The following WWP2 variants were observed in gnomAD, a reference collection of about 807,000 sequenced individuals.
WWP2 encodes NEDD4-like E3 ubiquitin-protein ligase WWP2.
WWP2 carries 57 observed loss-of-function variants against 121.0 expected under a neutral mutation model. The observed-to-expected ratio is 0.47, with a 90% confidence interval of 0.38 to 0.59. WWP2 has a LOEUF of 0.59. WWP2 is among the 20% of genes least tolerant of loss of function. The pLI, the probability that WWP2 is intolerant of heterozygous loss-of-function variation, is 0.00. For synonymous variants in WWP2, 449 were observed against 441.3 expected (o/e 1.02, Z -0.22); for missense variants, 962 against 1,158.9 (o/e 0.83, Z 2.47).
chr16:69,886,728 C>T (rs954361385), intron 7 of WWP2, among the ~76,000 whole-genome samples: 2 of 152,194 alleles, frequency 1.3e-5, no homozygotes, highest in African/African-American at 4.8e-5. Context: ...CCATTCCACT[C>T]CAGCTTGGGT....
At chr16:69,939,457 C>T (rs200311655) in intron 23 of WWP2, 44 bp downstream of exon 23, 68 of 1,603,060 alleles carry the variant, frequency 4.2e-5, no homozygotes, top group African/African-American at 4.1e-4. Context: ...GCCTCAGACC[C>T]GATGAGCTCC....
At chr16:69,882,931 T>A (rs1436915851) in intron 7 of WWP2, among the ~76,000 whole-genome samples, 2 of 152,104 alleles carry the variant, frequency 1.3e-5, no homozygotes, top group Non-Finnish European at 2.9e-5. Context: ...GGCAGGCAGA[T>A]CACTTGAGGT....
intron 4 of WWP2, among the ~76,000 whole-genome samples, chr16:69,825,474 G>C (rs1472202634): frequency 6.6e-6 from 1 of 151,860 alleles, no homozygotes; most frequent in Non-Finnish European, 1.5e-5. Context: ...GATACCATGG[G>C]AAAGGCTTTG....
intron 4 of WWP2, among the ~76,000 whole-genome samples, chr16:69,811,832 C>T (rs1251871208): frequency 6.6e-6 from 1 of 152,188 alleles, no homozygotes; most frequent in Admixed American, 6.5e-5. Context: ...CTTCACCCAA[C>T]TGTTAAAATT....
Position 69,941,291 on chromosome 16 carries a change from C to T in WWP2, c.*1351C>T, listed in dbSNP as rs564150146. On this transcript the variant is annotated 3_prime_UTR_variant, in exon 24 of 24. Transcript: ENST00000359154. ...CATGGCAGACTCCCGGCCTGGGCCC[C>T]CAGGATTCTAGGACCCCCAGGCAGC... is the stretch of plus-strand genomic sequence containing the variant. The T allele has an allele frequency of 7.2e-5, 11 of 153,072 alleles. No individual in the cohort carries two copies. Among genetic ancestry groups the T allele is most frequent in the African/African-American group, 2.7e-4 (11 of 41,398 alleles). The allele number at this position is 153,072 out of a possible 1,614,324, so 9.5% of individuals were successfully genotyped here.
At chr16:69,826,502 G>A (rs1014277021) in intron 4 of WWP2, among the ~76,000 whole-genome samples, 5 of 150,214 alleles carry the variant, frequency 3.3e-5, no homozygotes, top group Admixed American at 2.0e-4. Flanking sequence ...AACCCAGGAG[G>A]CAGAGGTTGC....
intron 8 of WWP2, among the ~76,000 whole-genome samples, chr16:69,901,152 GAAGAAATA>G (rs1400754650): frequency 1.3e-5 from 2 of 152,114 alleles, no homozygotes; most frequent in African/African-American, 4.8e-5. Flanking sequence ...CATCCCTACA[GAAGAAATA>G]AATCTTATGG....
At chr16:69,847,727 A>G (rs528223378) in intron 6 of WWP2, among the ~76,000 whole-genome samples, 1 of 152,088 alleles carries the variant, frequency 6.6e-6, no homozygotes, top group African/African-American at 2.4e-5. Context: ...TTAATAACCC[A>G]TTCTTGCAGG....
In WWP2 at chr16:69,930,243, C is replaced by T. The variant is rs372517256; in HGVS notation, c.1430C>T (p.Pro477Leu). Residue 477 changes from proline to leucine, a missense_variant, in exon 13 of 24, where the codon CCG becomes CTG. Coordinates refer to ENST00000359154, the MANE Select transcript of WWP2 (RefSeq NM_001270454.2). ...ACCACCACCTTTAAGGATCCTCGCC[C>T]GGGGTTTGAGTCGGGGTAAGGACTT... ...TRTTTFKDPR[P>L]GFESGTKQGS... 3.3e-5 allele frequency: 53 copies of T among 1,613,662 alleles called. No individual in the cohort carries two copies. Among genetic ancestry groups the T allele is most frequent in the South Asian group, 9.9e-5 (9 of 91,004 alleles).
rs1322992973 is a variant in WWP2 at position 69,810,194 on chromosome 16, AG to A, written c.340+10900del. Reference sequence around the variant, plus strand: ...GACTTGGACATTGGCTGGGAAACTCAGCTGGCTGTTTTCTGCCTGCCTTTGG... The same window carrying A: ...GACTTGGACATTGGCTGGGAAACTCACTGGCTGTTTTCTGCCTGCCTTTGG... On this transcript the variant is annotated intron_variant, in intron 4 of 23. Transcript: ENST00000359154. Among the ~76,000 whole-genome samples the A allele has an allele frequency of 3.3e-5, 5 of 152,220 alleles. No individual in the cohort carries two copies. The East Asian group carries it at 9.6e-4, about 29-fold the overall frequency.
At chr16:69,855,837 A>G (rs1460608320) in intron 6 of WWP2, among the ~76,000 whole-genome samples, 1 of 152,278 alleles carries the variant, frequency 6.6e-6, no homozygotes, top group Non-Finnish European at 1.5e-5. Context: ...GTGCCAGATC[A>G]TTCTGATGAA....
chr16:69,769,749 TC>T (rs2055372797), intron 1 of WWP2, among the ~76,000 whole-genome samples: 1 of 152,244 alleles, frequency 6.6e-6, no homozygotes, highest in Non-Finnish European at 1.5e-5. Flanking sequence ...TGGGTTCATT[TC>T]ACAGATGAGA....
chr16:69,812,492 T>TA (rs1555548746), intron 4 of WWP2, among the ~76,000 whole-genome samples: 10 of 145,844 alleles, frequency 6.9e-5, no homozygotes, highest in African/African-American at 2.3e-4. Flanking sequence ...TTTTTTTTTT[T>TA]AATTGAGACA....
At chr16:69,882,483 G>A (rs180856089) in intron 7 of WWP2, among the ~76,000 whole-genome samples, 1 of 152,196 alleles carries the variant, frequency 6.6e-6, no homozygotes, top group Non-Finnish European at 1.5e-5. Context: ...ACAATGTAAA[G>A]CATATAAGAT....
chr16:69,886,629 G>A lies in WWP2; in HGVS notation c.704-1410G>A, dbSNP rs13338223. 7.4e-3 allele frequency among the ~76,000 whole-genome samples: 1,129 copies of A among 152,230 alleles called. 13 individuals are homozygous for A. Among genetic ancestry groups the A allele is most frequent in the African/African-American group, 0.025 (1,038 of 41,552 alleles). ...ACAAAAATTAGCTGGGTGTGGTGGC[G>A]CACACCTGTAATCCTAGCTACTTGG... On this transcript the variant is annotated intron_variant, in intron 7 of 23. Transcript: ENST00000359154.
At chr16:69,828,210 C>T (rs2056737028) in intron 4 of WWP2, among the ~76,000 whole-genome samples, 1 of 151,964 alleles carries the variant, frequency 6.6e-6, no homozygotes, top group Admixed American at 6.6e-5. Context: ...AGTGCCCAAT[C>T]CACCTTCCTT....
intron 1 of WWP2, among the ~76,000 whole-genome samples, chr16:69,766,962 C>T (rs958965798): frequency 3.3e-5 from 5 of 151,922 alleles, no homozygotes; most frequent in African/African-American, 1.2e-4. Context: ...CCAGGTTGGT[C>T]AGGCTAGCCT....
Position 69,878,680 on chromosome 16 carries a change from C to A in WWP2, c.703+6749C>A, listed in dbSNP as rs201713722. On this transcript the variant is annotated intron_variant, in intron 7 of 23. Transcript: ENST00000359154. The stretch of plus-strand genomic sequence containing the variant: ...CCCAGCCTGTTTTTATACATGGTTT[C>A]ATGTATCTATGTGCTCTTCTTTGCT... Among the ~76,000 whole-genome samples the A allele has an allele frequency of 3.3e-5, 5 of 152,210 alleles. No homozygotes were observed. In the East Asian group the frequency reaches 9.7e-4, roughly 29 times the overall value.
At chr16:69,900,920 C>T (rs1274188898) in intron 8 of WWP2, among the ~76,000 whole-genome samples, 1 of 152,126 alleles carries the variant, frequency 6.6e-6, no homozygotes, top group Non-Finnish European at 1.5e-5. Flanking sequence ...CCATGCCATC[C>T]TGTGTTTGGA....
Sources: gnomAD v4.1 joint callset for allele counts (sites outside exome capture counted in the v4.1 genomes callset) on GRCh38, gnomAD v4.1.1 for gene constraint, MANE v1.5 for transcripts, NCBI Gene and HGNC (gene_info 2026-07-23, HGNC 2026-07-21) for gene names.